Variants in RSRC1 observed in about 807,000 individuals in gnomAD.
RSRC1 encodes the protein arginine and serine rich coiled-coil 1, also known as serine/Arginine-related protein 53.
A neutral mutation model predicts 49.1 loss-of-function variants in RSRC1; 39 were observed. The ratio of observed to expected loss-of-function variants is 0.79; its 90% CI spans 0.61 to 1.04. The LOEUF is 1.04. Among genes scored for constraint, RSRC1 ranks in the 50% least tolerant of loss-of-function variants. RSRC1 has a pLI of 0.00. For synonymous variants in RSRC1, 143 were observed against 130.8 expected, an observed-to-expected ratio of 1.09 and a Z score of -0.63; for missense variants, 388 against 402.4, an observed-to-expected ratio of 0.96 and a Z score of 0.31.
intron 6 of RSRC1, among the ~76,000 whole-genome samples, chr3:158,455,946 C>G (rs1223250547): frequency 8.1e-6 from 1 of 123,052 alleles, no homozygotes; most frequent in African/African-American, 3.0e-5. Flanking sequence ...TGACATTGCA[C>G]TCCAGCCTGG....
At chr3:158,118,239 C>T (rs904591451) in intron 1 of RSRC1, among the ~76,000 whole-genome samples, 16 of 152,114 alleles carry the variant, frequency 1.1e-4, no homozygotes, top group Admixed American at 2.6e-4. Context: ...CGTGAGCCAC[C>T]GTGCCTGGCC....
rs76324054 is a variant in RSRC1, at chr3:158,265,994, A to G, written c.495-32045A>G. On this transcript the variant is annotated intron_variant, in intron 4 of 9. Coordinates refer to ENST00000611884, the MANE Select transcript of RSRC1 (RefSeq NM_001271838.2). Reference sequence around the variant, plus strand: ...CTGAAGCCTTGATAATTTAGCAAAAATAAATTTCCTATATATATGGGTCCT... The same window carrying G: ...CTGAAGCCTTGATAATTTAGCAAAAGTAAATTTCCTATATATATGGGTCCT... Among the ~76,000 whole-genome samples the G allele has an allele frequency of 1.8e-4, 28 of 152,258 alleles. No homozygotes were observed. In the East Asian group the frequency reaches 3.1e-3, roughly 17 times the overall value.
chr3:158,307,140 G>GT (rs1553783268), intron 5 of RSRC1, among the ~76,000 whole-genome samples: 1 of 150,690 alleles, frequency 6.6e-6, no homozygotes, highest in South Asian at 2.1e-4. Flanking sequence ...AGGTTTGTTT[G>GT]TTTTTTTTAC....
At chr3:158,419,778 CAG>C (rs1423257738) in intron 6 of RSRC1, among the ~76,000 whole-genome samples, 1 of 147,648 alleles carries the variant, frequency 6.8e-6, no homozygotes, top group Admixed American at 6.8e-5. Context: ...TCTAAAAACT[CAG>C]AGATATACAG....
rs890977640 is a variant in RSRC1 at position 158,275,887 on chromosome 3, C to T, written c.495-22152C>T. The T allele has an allele frequency of 2.4e-5, 16 of 655,460 alleles. No individual in the cohort carries two copies. The African/African-American group carries it at 2.9e-4, about 12-fold the overall frequency. 40.6% of individuals were successfully genotyped at this position (655,460 alleles called of 1,614,324 possible). ...TAGAACCACTAATTGTGTGGTGGAA[C>T]TTATGGCCCTTTCAAAGGCCACGGC... is the stretch of plus-strand genomic sequence containing the variant. On this transcript the variant is annotated intron_variant, in intron 4 of 9. Coordinates refer to ENST00000611884, the MANE Select transcript of RSRC1 (RefSeq NM_001271838.2).
At chr3:158,238,447 T>C (rs755905131) in intron 4 of RSRC1, among the ~76,000 whole-genome samples, 12 of 152,146 alleles carry the variant, frequency 7.9e-5, no homozygotes, top group Non-Finnish European at 1.0e-4. Context: ...GGAGGCATCA[T>C]GCTACCTGAC....
intron 1 of RSRC1, among the ~76,000 whole-genome samples, chr3:158,120,647 C>CATAATATATATTTAATATATTAAATAG (rs1715192026): frequency 6.9e-6 from 1 of 145,420 alleles, no homozygotes; most frequent in Non-Finnish European, 1.5e-5. Context: ...ACATACTATA[C>CATAATATATATTTAATATATTAAATAG]ATAATATATA....
chr3:158,447,958 A>G (rs1736810586), intron 6 of RSRC1, among the ~76,000 whole-genome samples: 1 of 151,890 alleles, frequency 6.6e-6, no homozygotes, highest in South Asian at 2.1e-4. Context: ...ATATATATAC[A>G]TTGATAGAAT....
At chr3:158,118,425 G>GTT in intron 1 of RSRC1, among the ~76,000 whole-genome samples, 1 of 110,992 alleles carries the variant, frequency 9.0e-6, no homozygotes. Flanking sequence ...GTGTGTGTGT[G>GTT]TGTGTGTGTG....
intron 7 of RSRC1, among the ~76,000 whole-genome samples, chr3:158,509,881 A>G (rs567625180): frequency 2.8e-4 from 43 of 152,300 alleles, no homozygotes; most frequent in African/African-American, 1.0e-3. Flanking sequence ...CTATTAAAAC[A>G]TAAACATTCT....
chr3:158,364,992 T>G (rs992111532), intron 6 of RSRC1, among the ~76,000 whole-genome samples: 5 of 152,006 alleles, frequency 3.3e-5, no homozygotes, highest in Non-Finnish European at 5.9e-5. Flanking sequence ...TAACTGAGCA[T>G]TCTATAAATG....
chr3:158,335,449 T>G (rs1010694939), intron 5 of RSRC1, among the ~76,000 whole-genome samples: 1 of 152,126 alleles, frequency 6.6e-6, no homozygotes, highest in Non-Finnish European at 1.5e-5. Context: ...AGTGAAAGAA[T>G]AAGCTTGGGA....
chr3:158,259,172 A>G (rs375135127), intron 4 of RSRC1, among the ~76,000 whole-genome samples: 6 of 152,168 alleles, frequency 3.9e-5, no homozygotes, highest in Admixed American at 1.3e-4. Flanking sequence ...TTATTATTGT[A>G]GCCTTCACAG....
At chr3:158,504,177 G>C (rs1739742953) in intron 7 of RSRC1, among the ~76,000 whole-genome samples, 1 of 152,226 alleles carries the variant, frequency 6.6e-6, no homozygotes, top group Non-Finnish European at 1.5e-5. Context: ...CGGGAGAGGA[G>C]GCTGTCCCAT....
chr3:158,333,210 T>C (rs577797842), intron 5 of RSRC1, among the ~76,000 whole-genome samples: 1 of 152,274 alleles, frequency 6.6e-6, no homozygotes, highest in Non-Finnish European at 1.5e-5. Context: ...CCTCATGATC[T>C]GCCCACCTTG....
At chr3:158,179,316 G>T (rs1278929361) in intron 3 of RSRC1, among the ~76,000 whole-genome samples, 1 of 152,168 alleles carries the variant, frequency 6.6e-6, no homozygotes, top group Non-Finnish European at 1.5e-5. Flanking sequence ...CCAGAATGTA[G>T]ACATTGATAC....
chr3:158,373,152 G>C (rs1184533913), intron 6 of RSRC1, among the ~76,000 whole-genome samples: 2 of 151,738 alleles, frequency 1.3e-5, no homozygotes, highest in Non-Finnish European at 3.0e-5. Context: ...CTGGGATGGA[G>C]TTTTTCTACA....
At position 158,219,414 on chromosome 3, in the gene RSRC1, T is replaced by C. The variant is rs550076218; in HGVS notation, c.494+16169T>C. 1.7e-3 allele frequency among the ~76,000 whole-genome samples: 257 copies of C among 151,634 alleles called. 1 individual carries two copies. The highest frequency in any genetic ancestry group is 2.5e-3 in the Non-Finnish European group (166 of 67,710). Reference sequence around the variant, plus strand: ...AGTACAGAGTCTTATTTACATCTTTTCCCCCATCCACTCAATTCCTATTCT... The same window carrying C: ...AGTACAGAGTCTTATTTACATCTTTCCCCCCATCCACTCAATTCCTATTCT... On this transcript the variant is annotated intron_variant, in intron 4 of 9. Transcript: ENST00000611884.
intron 4 of RSRC1, chr3:158,275,686 T>C: frequency 2.5e-6 from 1 of 394,124 alleles, no homozygotes; most frequent in Non-Finnish European, 4.0e-6. Flanking sequence ...GCACTTTAAC[T>C]TTCTTAATTT....
Sources: gnomAD v4.1 joint callset for allele counts (sites outside exome capture counted in the v4.1 genomes callset) on GRCh38, gnomAD v4.1.1 for gene constraint, MANE v1.5 for transcripts, NCBI Gene and HGNC (gene_info 2026-07-23, HGNC 2026-07-21) for gene names.